PPARGC1A: variants seen among roughly 807,000 people sequenced by gnomAD.
PPARGC1A encodes the protein PPARG coactivator 1 alpha.
PPARGC1A carries 25 observed loss-of-function variants against 88.7 expected under a neutral mutation model. That is an observed-to-expected ratio of 0.28 (90% CI 0.21 to 0.39). PPARGC1A has a LOEUF of 0.39. PPARGC1A is among the 10% of genes least tolerant of loss of function. The pLI is 1.00. For missense variants in PPARGC1A, 880 were observed against 968.7 expected, an observed-to-expected ratio of 0.91 and a Z score of 1.22; for synonymous variants, 363 against 355.6, an observed-to-expected ratio of 1.02 and a Z score of -0.24.
At chr4:23,993,073 G>T in the PPARGC1A span, among the ~76,000 whole-genome samples, 2 of 151,750 alleles carry the variant, frequency 1.3e-5, no homozygotes, top group Non-Finnish European at 2.9e-5. Context: ...AAAATCAAAG[G>T]CCACTAAAAC....
At chr4:24,261,104 C>T in the PPARGC1A span, among the ~76,000 whole-genome samples, 1,305 of 152,018 alleles carry the variant, frequency 8.6e-3, 42 homozygotes, top group East Asian at 0.12. Context: ...AATCAGCACA[C>T]CACATCACCC....
At chr4:24,270,306 C>CCT in the PPARGC1A span, among the ~76,000 whole-genome samples, 31 of 147,592 alleles carry the variant, frequency 2.1e-4, no homozygotes, top group African/African-American at 6.7e-4. Context: ...AATAAATCAA[C>CCT]CTCTCTCTCT....
intron 2 of PPARGC1A, among the ~76,000 whole-genome samples, chr4:23,838,552 AC>A (rs1162493722): frequency 6.6e-6 from 1 of 152,212 alleles, no homozygotes; most frequent in East Asian, 1.9e-4. Flanking sequence ...ATTTCGTAAC[AC>A]ATTATAAAAT....
chr4:24,249,381 C>T, the PPARGC1A span, among the ~76,000 whole-genome samples: 7 of 152,038 alleles, frequency 4.6e-5, no homozygotes, highest in South Asian at 2.1e-4. Context: ...GTCACCGTGA[C>T]GACTATTTTA....
the PPARGC1A span, among the ~76,000 whole-genome samples, chr4:24,296,101 TATATGTAC>T: frequency 6.6e-6 from 1 of 151,028 alleles, no homozygotes; most frequent in Non-Finnish European, 1.5e-5. Flanking sequence ...CACATACATA[TATATGTAC>T]ATATATACAT....
chr4:24,308,844 T>C, the PPARGC1A span, among the ~76,000 whole-genome samples: 10 of 152,308 alleles, frequency 6.6e-5, no homozygotes, highest in South Asian at 1.0e-3. Context: ...AAAAGATGAC[T>C]TACCCAGAGT....
the PPARGC1A span, among the ~76,000 whole-genome samples, chr4:24,437,612 G>A: frequency 2.6e-5 from 4 of 151,572 alleles, no homozygotes; most frequent in African/African-American, 7.3e-5. Flanking sequence ...TGTTGTTGTT[G>A]TTGTTGTTGT....
At chr4:24,434,355 C>T in the PPARGC1A span, among the ~76,000 whole-genome samples, 5 of 152,162 alleles carry the variant, frequency 3.3e-5, no homozygotes, top group Non-Finnish European at 7.4e-5. Context: ...CAGCATGCCA[C>T]ATGTGACTCT....
the PPARGC1A span, among the ~76,000 whole-genome samples, chr4:24,099,006 T>C: frequency 6.6e-6 from 1 of 152,184 alleles, no homozygotes; most frequent in Non-Finnish European, 1.5e-5. Context: ...AGTATGTTTA[T>C]ATCCTGTTCC....
chr4:24,403,735 G>T, the PPARGC1A span, among the ~76,000 whole-genome samples: 1 of 152,268 alleles, frequency 6.6e-6, no homozygotes, highest in African/African-American at 2.4e-5. Context: ...TAAATCAAAT[G>T]ATTTAATTAA....
At chr4:24,270,357 A>ATG in the PPARGC1A span, among the ~76,000 whole-genome samples, 1 of 129,150 alleles carries the variant, frequency 7.7e-6, no homozygotes, top group African/African-American at 3.0e-5. Context: ...GTGTGTGTGT[A>ATG]TGTGTGTAAA....
chr4:24,377,801 G>T, the PPARGC1A span, among the ~76,000 whole-genome samples: 9 of 152,180 alleles, frequency 5.9e-5, no homozygotes, highest in African/African-American at 2.2e-4. Flanking sequence ...TGACTAAAAG[G>T]GTCAAATGCT....
chr4:24,387,862 G>GAGAAAGAA, the PPARGC1A span, among the ~76,000 whole-genome samples: 3 of 116,006 alleles, frequency 2.6e-5, no homozygotes, highest in African/African-American at 3.0e-5. Flanking sequence ...GAGAGAAAGA[G>GAGAAAGAA]AGAAAGGAAG....
At chr4:24,100,205 G>A in the PPARGC1A span, among the ~76,000 whole-genome samples, 1 of 152,256 alleles carries the variant, frequency 6.6e-6, no homozygotes, top group African/African-American at 2.4e-5. Context: ...GATTCATTAA[G>A]TTTAAGAAGC....
At chr4:24,083,065 G>A in the PPARGC1A span, among the ~76,000 whole-genome samples, 1 of 152,152 alleles carries the variant, frequency 6.6e-6, no homozygotes, top group Admixed American at 6.5e-5. Context: ...AGGCAGATGA[G>A]GGCACTGGTT....
At chr4:24,396,898 G>A in the PPARGC1A span, among the ~76,000 whole-genome samples, 1 of 152,124 alleles carries the variant, frequency 6.6e-6, no homozygotes, top group South Asian at 2.1e-4. Context: ...GATGAGGAGA[G>A]CTTTTCATCA....
the PPARGC1A span, among the ~76,000 whole-genome samples, chr4:24,130,815 C>T: frequency 6.6e-6 from 1 of 152,152 alleles, no homozygotes; most frequent in African/African-American, 2.4e-5. Flanking sequence ...TCACCACCCA[C>T]AAGATACCCA....
At chr4:24,303,408 T>C in the PPARGC1A span, among the ~76,000 whole-genome samples, 2 of 152,168 alleles carry the variant, frequency 1.3e-5, no homozygotes, top group African/African-American at 2.4e-5. Context: ...CTACCTTTAC[T>C]GGCTGTATAA....
the PPARGC1A span, among the ~76,000 whole-genome samples, chr4:24,457,371 G>T: frequency 1.3e-5 from 2 of 152,078 alleles, no homozygotes; most frequent in Non-Finnish European, 2.9e-5. Context: ...TCACTGTGGG[G>T]TTTAATGTTT....
Sources: gnomAD v4.1 joint callset for allele counts (sites outside exome capture counted in the v4.1 genomes callset) on GRCh38, gnomAD v4.1.1 for gene constraint, MANE v1.5 for transcripts, NCBI Gene and HGNC (gene_info 2026-07-23, HGNC 2026-07-21) for gene names.